Variants in SHISA9 observed in about 807,000 individuals in gnomAD.
SHISA9 encodes the protein protein shisa-9.
SHISA9 carries 13 observed loss-of-function variants against 38.0 expected under a neutral mutation model. The ratio of observed to expected loss-of-function variants is 0.34; its 90% CI spans 0.22 to 0.54. The LOEUF is 0.54. SHISA9 is among the 20% of genes least tolerant of loss of function. The probability of loss-of-function intolerance (pLI) is 0.91; values close to 1 mark genes in which losing one functional copy is unlikely to be tolerated. For missense variants in SHISA9, 538 were observed against 575.8 expected, an observed-to-expected ratio of 0.93 and a Z score of 0.67; for synonymous variants, 275 against 242.0, an observed-to-expected ratio of 1.14 and a Z score of -1.27.
chr16:13,043,185 C>T (rs1055894572), intron 2 of SHISA9, among the ~76,000 whole-genome samples: 11 of 152,120 alleles, frequency 7.2e-5, no homozygotes, highest in African/African-American at 2.4e-4. Context: ...AACATCTAAC[C>T]AGTAAGTGGT....
chr16:13,441,041 A>C, the SHISA9 span, among the ~76,000 whole-genome samples: 1 of 152,160 alleles, frequency 6.6e-6, no homozygotes, highest in Non-Finnish European at 1.5e-5. Context: ...GGGTCTGGGA[A>C]GGGAGTGGAG....
chr16:13,317,887 C>G, the SHISA9 span, among the ~76,000 whole-genome samples: 1 of 152,226 alleles, frequency 6.6e-6, no homozygotes, highest in East Asian at 1.9e-4. Context: ...TGATTTTGAG[C>G]TACCACTTGG....
the SHISA9 span, among the ~76,000 whole-genome samples, chr16:13,309,589 G>A: frequency 6.8e-6 from 1 of 147,132 alleles, no homozygotes; most frequent in Non-Finnish European, 1.5e-5. Flanking sequence ...GTTGCAGTGA[G>A]CCGAGATCAC....
At chr16:12,905,003 C>A (rs891789001) in intron 1 of SHISA9, among the ~76,000 whole-genome samples, 1 of 152,206 alleles carries the variant, frequency 6.6e-6, no homozygotes, top group African/African-American at 2.4e-5. Context: ...CAGGCATGAG[C>A]CACTGTGCCC....
chr16:13,439,530 G>A, the SHISA9 span, among the ~76,000 whole-genome samples: 1 of 152,130 alleles, frequency 6.6e-6, no homozygotes, highest in African/African-American at 2.4e-5. Flanking sequence ...TCTGGAAGGA[G>A]GGAAGAGGTT....
rs548680323 is a variant in SHISA9, at chr16:13,068,816, G to A, written c.692-134578G>A. 3.3e-5 allele frequency among the ~76,000 whole-genome samples: 5 copies of A among 152,306 alleles called. No homozygotes were observed. The South Asian group carries it at 6.2e-4, about 19-fold the overall frequency. ...ATGCATATATGTGTGTACATGCAATGTGTGTATGTGTACTTATGCATGTAT... is the reference window on the plus strand; with the variant it reads ...ATGCATATATGTGTGTACATGCAATATGTGTATGTGTACTTATGCATGTAT... On this transcript the variant is annotated intron_variant, in intron 2 of 4. Coordinates refer to ENST00000558583, the MANE Select transcript of SHISA9 (RefSeq NM_001145204.3).
chr16:13,219,049 G>T (rs558313641), intron 4 of SHISA9, among the ~76,000 whole-genome samples: 1 of 152,148 alleles, frequency 6.6e-6, no homozygotes, highest in Non-Finnish European at 1.5e-5. Context: ...AATCCTACTC[G>T]CTCCTGAGTT....
At chr16:13,562,734 A>C in the SHISA9 span, 3 of 151,980 alleles carry the variant, frequency 2.0e-5, no homozygotes, top group Admixed American at 2.0e-4. Flanking sequence ...CAGAAGAAGG[A>C]TTCTATGGTT....
intron 2 of SHISA9, among the ~76,000 whole-genome samples, chr16:13,202,814 T>C (rs772978043): frequency 2.6e-5 from 4 of 152,236 alleles, no homozygotes; most frequent in Non-Finnish European, 5.9e-5. Context: ...CTGATGCTTT[T>C]ATTTCTGTAG....
intron 2 of SHISA9, among the ~76,000 whole-genome samples, chr16:12,965,967 A>G (rs527522705): frequency 6.6e-6 from 1 of 152,306 alleles, no homozygotes; most frequent in East Asian, 1.9e-4. Context: ...ACTGCATTGA[A>G]ACTGAGGTTT....
intron 2 of SHISA9, among the ~76,000 whole-genome samples, chr16:12,950,583 C>T (rs139912756): frequency 1.8e-4 from 27 of 151,386 alleles, no homozygotes; most frequent in Middle Eastern, 3.4e-3. Context: ...CCTCAAAAAA[C>T]GAAAAATAGA....
At chr16:13,234,410 A>T (rs180940018) in intron 4 of SHISA9, among the ~76,000 whole-genome samples, 8 of 152,374 alleles carry the variant, frequency 5.3e-5, no homozygotes, top group Admixed American at 2.0e-4. Flanking sequence ...GGCTTTCCTT[A>T]TGGAGAAGCT....
chr16:13,230,361 G>T (rs1241053159), intron 4 of SHISA9, among the ~76,000 whole-genome samples: 1 of 152,334 alleles, frequency 6.6e-6, no homozygotes, highest in South Asian at 2.1e-4. Context: ...GTTACTGAAG[G>T]AGAACAATGT....
At chr16:13,187,727 TGATA>T (rs1228824827) in intron 2 of SHISA9, among the ~76,000 whole-genome samples, 7 of 152,186 alleles carry the variant, frequency 4.6e-5, no homozygotes, top group Non-Finnish European at 1.0e-4. Context: ...ATACTTTTTC[TGATA>T]GATCCTTAAA....
chr16:12,997,764 C>T (rs1473254286), intron 2 of SHISA9, among the ~76,000 whole-genome samples: 3 of 152,110 alleles, frequency 2.0e-5, no homozygotes, highest in Admixed American at 1.3e-4. Flanking sequence ...CTGGCCTCAC[C>T]ACATGGTTTT....
chr16:13,149,131 C>T (rs1276863241), intron 2 of SHISA9, among the ~76,000 whole-genome samples: 2 of 152,122 alleles, frequency 1.3e-5, no homozygotes, highest in African/African-American at 4.8e-5. Flanking sequence ...AGATGAGTCT[C>T]CTTGACACCA....
chr16:13,524,302 T>C, the SHISA9 span, among the ~76,000 whole-genome samples: 3 of 152,170 alleles, frequency 2.0e-5, no homozygotes, highest in African/African-American at 7.2e-5. Flanking sequence ...GACAATAATT[T>C]GATATTCATT....
chr16:13,098,733 G>C (rs1194974787), intron 2 of SHISA9, among the ~76,000 whole-genome samples: 4 of 152,176 alleles, frequency 2.6e-5, no homozygotes, highest in African/African-American at 9.7e-5. Flanking sequence ...GGCTGTTGCT[G>C]CCTCCAGGAA....
At position 13,235,155 on chromosome 16, in the gene SHISA9, G is replaced by T; in HGVS notation, c.1021G>T (p.Gly341Cys). 6.4e-7 allele frequency: 1 copy of T among 1,551,680 alleles called. No individual in the cohort carries two copies. The highest frequency in any genetic ancestry group is 8.7e-7 in the Non-Finnish European group (1 of 1,147,006). The change falls in exon 5 of 5, where the codon GGT becomes TGT. Residue 341 changes from glycine (G) to cysteine (C), a missense_variant. Physicochemically the swap from Gly to Cys is radical, Grantham distance 159. This residue lies in a region of SHISA9 where 326 missense variants were observed against 305.9 expected (regional missense o/e 1.07). Coordinates refer to ENST00000558583, the MANE Select transcript of SHISA9 (RefSeq NM_001145204.3). ...GCCCCGGGCCTTCAGCCCTGAGCAC[G>T]GTCCTGCCAAGCAGAATGGACAGAA... is the stretch of plus-strand genomic sequence containing the variant. ...DEPRAFSPEH[G>C]PAKQNGQKSR... is the part of the protein sequence containing the mutation.
Sources: allele counts gnomAD v4.1 joint callset (sites outside exome capture counted in the v4.1 genomes callset), GRCh38; gene constraint gnomAD v4.1.1; regional missense constraint gnomAD v4.1.1; transcripts MANE v1.5; gene names NCBI Gene and HGNC (gene_info 2026-07-23, HGNC 2026-07-21).